Variants in RBFOX1 observed in about 807,000 individuals in gnomAD.
RBFOX1 encodes RNA binding fox-1 homolog 1, also known as RNA binding protein fox-1 homolog 1.
A neutral mutation model predicts 57.7 loss-of-function variants in RBFOX1; 8 were observed. That is an observed-to-expected ratio of 0.14 (90% confidence interval 0.08 to 0.25). The LOEUF is 0.25. Ranked by LOEUF, RBFOX1 falls within the 10% of genes least tolerant of loss-of-function variation. RBFOX1 has a pLI of 1.00. For synonymous variants in RBFOX1, 326 were observed against 222.4 expected (o/e 1.47, Z -4.15); for missense variants, 611 against 548.5 (o/e 1.11, Z -1.14).
chr16:6,641,507 G>A (rs920126847), intron 2 of RBFOX1, among the ~76,000 whole-genome samples: 5 of 151,930 alleles, frequency 3.3e-5, no homozygotes, highest in African/African-American at 1.2e-4. Context: ...GGCCGAGGCG[G>A]GCAGATCGCT....
chr16:7,190,356 A>G lies in RBFOX1; in HGVS notation c.27+138258A>G, dbSNP rs192005452. Among the ~76,000 whole-genome samples the G allele has an allele frequency of 1.6e-3, 239 of 152,296 alleles. 1 individual carries two copies. The highest frequency in any genetic ancestry group is 3.4e-3 in the Middle Eastern group (1 of 294). On this transcript the variant is annotated intron_variant, in intron 4 of 15. Coordinates refer to ENST00000550418, the MANE Select transcript of RBFOX1 (RefSeq NM_018723.4). Reference sequence around the variant, plus strand: ...CCTGGGTGACAGAGACTCCGCCTCAAACATAAATAAAATAAAAATAATATA... The same window carrying G: ...CCTGGGTGACAGAGACTCCGCCTCAGACATAAATAAAATAAAAATAATATA...
chr16:6,914,209 G>T (rs943819216), intron 3 of RBFOX1, among the ~76,000 whole-genome samples: 1 of 152,100 alleles, frequency 6.6e-6, no homozygotes. Flanking sequence ...ACCTCACTGA[G>T]TTTAGCATAT....
At chr16:6,874,827 T>C (rs989660245) in intron 3 of RBFOX1, among the ~76,000 whole-genome samples, 1 of 152,144 alleles carries the variant, frequency 6.6e-6, no homozygotes, top group Non-Finnish European at 1.5e-5. Flanking sequence ...GATTGGGTGA[T>C]GGGTGCATCA....
chr16:5,602,377 C>T (rs1371429730), downstream of RBFOX1, among the ~76,000 whole-genome samples: 2 of 152,152 alleles, frequency 1.3e-5, no homozygotes, highest in African/African-American at 2.4e-5. Flanking sequence ...TGTAGTAGCA[C>T]AAATAATTTT....
intron 3 of RBFOX1, among the ~76,000 whole-genome samples, chr16:6,852,427 T>G (rs1172512412): frequency 2.6e-5 from 4 of 152,230 alleles, no homozygotes; most frequent in Admixed American, 2.6e-4. Context: ...TTTATAAGTT[T>G]CAGGGATTTT....
At chr16:7,074,479 A>C (rs1332774643) in intron 4 of RBFOX1, among the ~76,000 whole-genome samples, 2 of 152,230 alleles carry the variant, frequency 1.3e-5, no homozygotes, top group East Asian at 3.9e-4. Context: ...TAAAATGCTG[A>C]ATACAGAAAT....
At chr16:6,617,422 T>G (rs2098159614) in intron 2 of RBFOX1, among the ~76,000 whole-genome samples, 1 of 151,744 alleles carries the variant, frequency 6.6e-6, no homozygotes, top group Admixed American at 6.6e-5. Flanking sequence ...CAGAGGGACA[T>G]GAGGAGGGGG....
intron 4 of RBFOX1, among the ~76,000 whole-genome samples, chr16:7,272,979 G>T (rs1277199585): frequency 2.2e-4 from 18 of 83,478 alleles, no homozygotes; most frequent in Admixed American, 1.4e-3. Context: ...CTTTCCTTCC[G>T]TCCCTCCCTC....
At chr16:6,583,215 A>G (rs1232711089) in intron 2 of RBFOX1, among the ~76,000 whole-genome samples, 1 of 152,196 alleles carries the variant, frequency 6.6e-6, no homozygotes, top group African/African-American at 2.4e-5. Flanking sequence ...GGGTCCTAGC[A>G]TAAATAAATC....
At chr16:7,577,368 A>C (rs1327270635) in intron 5 of RBFOX1, among the ~76,000 whole-genome samples, 2 of 152,138 alleles carry the variant, frequency 1.3e-5, no homozygotes, top group Admixed American at 1.3e-4. Flanking sequence ...TCATCTGACC[A>C]GTGGTGCTGG....
chr16:5,735,500 C>T (rs1567467131), intron 3 of RBFOX1, among the ~76,000 whole-genome samples: 1 of 152,352 alleles, frequency 6.6e-6, no homozygotes, highest in East Asian at 1.9e-4. Flanking sequence ...CCTTCAGTTC[C>T]TTCCCGCTTC....
chr16:7,350,527 G>T (rs2145913922), intron 4 of RBFOX1, among the ~76,000 whole-genome samples: 1 of 152,318 alleles, frequency 6.6e-6, no homozygotes. Context: ...ACTATGATCT[G>T]ATTGTATCAT....
chr16:5,953,916 A>T (rs1358713575), intron 4 of RBFOX1, among the ~76,000 whole-genome samples: 1 of 152,114 alleles, frequency 6.6e-6, no homozygotes, highest in Non-Finnish European at 1.5e-5. Flanking sequence ...TGAAATTCAA[A>T]TTTAACTGGG....
Position 6,057,195 on chromosome 16 carries a change from C to T in RBFOX1, c.-127+37203C>T, listed in dbSNP as rs567128750. The T allele has an allele frequency of 3.9e-5, 6 of 152,150 alleles. No homozygotes were observed. The South Asian group carries it at 1.2e-3, about 32-fold the overall frequency. The allele number at this position is 152,150 out of a possible 1,614,324, so 9.4% of individuals were successfully genotyped here. On this transcript the variant is annotated intron_variant, in intron 1 of 15. Coordinates refer to ENST00000550418, the MANE Select transcript of RBFOX1 (RefSeq NM_018723.4). Reference sequence around the variant, plus strand: ...AATTAGATTGCATGGAGGCTAAGTACTAATGTTGATATTTACAGTGCTTAA... The same window carrying T: ...AATTAGATTGCATGGAGGCTAAGTATTAATGTTGATATTTACAGTGCTTAA...
chr16:7,025,757 G>T (rs2040724233), intron 3 of RBFOX1, among the ~76,000 whole-genome samples: 1 of 152,116 alleles, frequency 6.6e-6, no homozygotes, highest in South Asian at 2.1e-4. Flanking sequence ...GCGTCCCGGG[G>T]AATCCTAGGT....
Position 6,847,123 on chromosome 16 carries a change from G to C in RBFOX1, c.-16+192473G>C, listed in dbSNP as rs560110778. Among the ~76,000 whole-genome samples, 5 of 152,294 alleles carry C rather than the reference G, an allele frequency of 3.3e-5. No homozygotes were observed. In the South Asian group the frequency reaches 1.0e-3, roughly 32 times the overall value. On this transcript the variant is annotated intron_variant, in intron 3 of 15. Transcript: ENST00000550418. ...CTTGCCTCAGTCAACCCTGCTCAGA[G>C]ATGGTTCATCCACTCCTGTCTTGCG...
At chr16:6,756,710 G>A (rs1049762733) in intron 3 of RBFOX1, among the ~76,000 whole-genome samples, 1 of 152,122 alleles carries the variant, frequency 6.6e-6, no homozygotes, top group South Asian at 2.1e-4. Flanking sequence ...GGTGGTTCAC[G>A]CCTGTAATCC....
At chr16:6,268,082 A>C (rs576110041) in intron 1 of RBFOX1, among the ~76,000 whole-genome samples, 1 of 152,298 alleles carries the variant, frequency 6.6e-6, no homozygotes, top group South Asian at 2.1e-4. Context: ...ATGGCCTTGC[A>C]CTGGGTAAAC....
intron 4 of RBFOX1, among the ~76,000 whole-genome samples, chr16:7,450,435 A>G (rs866075772): frequency 8.6e-5 from 13 of 151,012 alleles, no homozygotes; most frequent in African/African-American, 3.2e-4. Context: ...ACAGAAAGCA[A>G]GTTCAAAAAG....
Sources: allele counts gnomAD v4.1 joint callset (sites outside exome capture counted in the v4.1 genomes callset), GRCh38; gene constraint gnomAD v4.1.1; transcripts MANE v1.5; gene names NCBI Gene and HGNC (gene_info 2026-07-23, HGNC 2026-07-21).